Variants in PSMB7 observed in about 807,000 individuals in gnomAD.
PSMB7 encodes proteasome 20S subunit beta 7.
PSMB7 carries 5 observed loss-of-function variants against 28.1 expected under a neutral mutation model. That is an observed-to-expected ratio of 0.18 (90% CI 0.09 to 0.37). The LOEUF is 0.37. Among genes scored for constraint, PSMB7 ranks in the 10% least tolerant of loss-of-function variants. The pLI, the probability that PSMB7 is intolerant of heterozygous loss-of-function variation, is 1.00. For synonymous variants in PSMB7, 122 were observed against 123.7 expected (o/e 0.99, Z 0.09); for missense variants, 275 against 346.2 (o/e 0.79, Z 1.63).
At chr9:124,364,290 G>GCAC (rs1316213541) in intron 6 of PSMB7, among the ~76,000 whole-genome samples, 1 of 152,150 alleles carries the variant, frequency 6.6e-6, no homozygotes, top group East Asian at 1.9e-4. Context: ...TTAGTGCCTG[G>GCAC]CACCACCAAA....
At chr9:124,355,897 T>C (rs896540895) in intron 7 of PSMB7, among the ~76,000 whole-genome samples, 2 of 152,300 alleles carry the variant, frequency 1.3e-5, no homozygotes, top group African/African-American at 4.8e-5. Flanking sequence ...TCCTTGTGAA[T>C]TACTCCTGAT....
intron 4 of PSMB7, 134 bp from the exon 5 acceptor site, chr9:124,405,566 T>C (rs1264402559): frequency 1.6e-6 from 1 of 608,450 alleles, no homozygotes; most frequent in East Asian, 2.8e-5. Context: ...GTTATTGTTT[T>C]GATGGGAACA....
At chr9:124,405,565 TTGATGGG>T in intron 4 of PSMB7, 133 bp from the exon 5 acceptor site, 2 of 608,616 alleles carry the variant, frequency 3.3e-6, no homozygotes, top group Admixed American at 2.9e-5. Flanking sequence ...GGTTATTGTT[TTGATGGG>T]AACAAAAAAG....
At chr9:124,359,955 G>A (rs796276851) in intron 6 of PSMB7, among the ~76,000 whole-genome samples, 2 of 152,246 alleles carry the variant, frequency 1.3e-5, no homozygotes, top group African/African-American at 4.8e-5. Flanking sequence ...AAAACAGCGT[G>A]GAAATGACCA....
At chr9:124,371,425 G>A (rs866364976) in intron 6 of PSMB7, among the ~76,000 whole-genome samples, 10 of 152,170 alleles carry the variant, frequency 6.6e-5, no homozygotes, top group Non-Finnish European at 1.3e-4. Flanking sequence ...CACTTTTGAT[G>A]GTGAAATTCG....
intron 6 of PSMB7, among the ~76,000 whole-genome samples, chr9:124,363,631 T>G (rs533473020): frequency 6.6e-6 from 1 of 152,332 alleles, no homozygotes; most frequent in South Asian, 2.1e-4. Flanking sequence ...CTGGGCACGC[T>G]TAGAGCCGGG....
At chr9:124,382,333 G>A (rs1297127541) in intron 6 of PSMB7, among the ~76,000 whole-genome samples, 6 of 114,024 alleles carry the variant, frequency 5.3e-5, no homozygotes, top group African/African-American at 1.3e-4. Context: ...TCAGCCTCCC[G>A]AGTAGCTGGG....
At chr9:124,388,162 TC>T in intron 5 of PSMB7, among the ~76,000 whole-genome samples, 1 of 152,292 alleles carries the variant, frequency 6.6e-6, no homozygotes, top group Admixed American at 6.5e-5. Context: ...AAGGCGAAAA[TC>T]TTTTGAAGGA....
At chr9:124,397,298 A>G (rs1325490890) in intron 5 of PSMB7, among the ~76,000 whole-genome samples, 1 of 152,194 alleles carries the variant, frequency 6.6e-6, no homozygotes, top group Non-Finnish European at 1.5e-5. Context: ...ATTGTAGTCA[A>G]TGTGATGTTC....
Position 124,414,881 on chromosome 9 carries a change from G to C in PSMB7, c.117C>G (p.Val39=). ...CAGCGATGGTCGTGCCAGTTTTCCG[G>C]ACCTTTGGAAGCTTGTATCCCCTCT... is the stretch of plus-strand genomic sequence containing the variant. The part of the protein sequence containing the change: ...FAKRGYKLPK[V]RKTGTTIAGV... Residue 39 remains valine, a synonymous_variant, in exon 2 of 8, where the codon GTC becomes GTG. Coordinates refer to ENST00000259457, the MANE Select transcript of PSMB7 (RefSeq NM_002799.4). 1 of 1,613,986 alleles carries C rather than the reference G, an allele frequency of 6.2e-7. No individual in the cohort carries two copies. Among genetic ancestry groups the C allele is most frequent in the Non-Finnish European group, 8.5e-7 (1 of 1,179,980 alleles).
intron 6 of PSMB7, among the ~76,000 whole-genome samples, chr9:124,369,745 T>C (rs1830543451): frequency 6.6e-6 from 1 of 151,976 alleles, no homozygotes; most frequent in South Asian, 2.1e-4. Context: ...TCCGGAATGG[T>C]CTCCTTCTCT....
chr9:124,387,958 G>A (rs928091825), intron 5 of PSMB7, among the ~76,000 whole-genome samples: 4 of 151,068 alleles, frequency 2.6e-5, no homozygotes, highest in Non-Finnish European at 4.4e-5. Context: ...AAGTTTCCTA[G>A]ATACTGGTCC....
intron 6 of PSMB7, among the ~76,000 whole-genome samples, chr9:124,375,909 A>G (rs987366655): frequency 1.3e-5 from 2 of 152,142 alleles, no homozygotes; most frequent in Non-Finnish European, 2.9e-5. Context: ...TCTGAATGTC[A>G]GCTGGTGGGA....
rs756820098 is a variant in PSMB7, at chr9:124,384,619, A to T, written c.549T>A (p.Asp183Glu). 1 of 1,613,630 alleles carries T rather than the reference A, an allele frequency of 6.2e-7. No individual in the cohort carries two copies. Among genetic ancestry groups the T allele is most frequent in the South Asian group, 1.1e-5 (1 of 90,872 alleles). Residue 183 changes from aspartate (D) to glutamate (E), a missense_variant, in exon 6 of 8, where the codon GAT becomes GAA. Physicochemically the swap from Asp to Glu is conservative, Grantham distance 45. Around this residue, in one of 2 missense-constraint regions of PSMB7, gnomAD observed 213 missense variants for 302.4 expected, o/e 0.70. Transcript: ENST00000259457. ...ATACCTCCATGTCTGGCCTAAACTT[A>T]TCTTCAAATACAGCCATTGCTGCCA... is the stretch of plus-strand genomic sequence containing the variant. ...GSLAAMAVFE[D>E]KFRPDMEEEE...
At chr9:124,391,548 G>A (rs529319672) in intron 5 of PSMB7, among the ~76,000 whole-genome samples, 1 of 151,618 alleles carries the variant, frequency 6.6e-6, no homozygotes, top group African/African-American at 2.4e-5. Context: ...CTGGAATTTA[G>A]TTAAATGTTT....
intron 6 of PSMB7, among the ~76,000 whole-genome samples, chr9:124,375,319 C>G (rs1252591704): frequency 6.6e-6 from 1 of 152,052 alleles, no homozygotes; most frequent in Non-Finnish European, 1.5e-5. Context: ...TACCACCATA[C>G]CCGGCTAATT....
intron 2 of PSMB7, 33 bp downstream of exon 2, chr9:124,414,809 A>G: frequency 6.3e-7 from 1 of 1,574,808 alleles, no homozygotes; most frequent in Non-Finnish European, 8.7e-7. Flanking sequence ...TTGCCGGTTC[A>G]GTCACTGCTG....
rs1271268439 is a variant in PSMB7 at position 124,353,740 on chromosome 9, A to G, written c.723-31T>C. 3.3e-6 allele frequency: 5 copies of G among 1,509,534 alleles called. No homozygotes were observed. In the African/African-American group the frequency reaches 5.5e-5, roughly 17 times the overall value. The allele number at this position is 1,509,534 out of a possible 1,614,324, so 93.5% of individuals were successfully genotyped here. On this transcript the variant is annotated intron_variant, in intron 7 of 7. Coordinates refer to ENST00000259457, the MANE Select transcript of PSMB7 (RefSeq NM_002799.4). ...AAGAGAAAAACAAAAGCACAGAGTTAGGATTCTCCTCAAGGTGCCAGAGGG... is the reference window on the plus strand; with the variant it reads ...AAGAGAAAAACAAAAGCACAGAGTTGGGATTCTCCTCAAGGTGCCAGAGGG...
rs182357107 is a variant in PSMB7 at position 124,407,983 on chromosome 9, A to G, written c.396-2551T>C. Among the ~76,000 whole-genome samples the G allele has an allele frequency of 2.2e-3, 331 of 152,306 alleles. 1 individual carries two copies. The highest frequency in any genetic ancestry group is 7.7e-3 in the African/African-American group (318 of 41,568). ...GCAACATAGTGAGACATCGTCTACA[A>G]AAAGTTTAAAAAAACAAACACAACA... is the stretch of plus-strand genomic sequence containing the variant. On this transcript the variant is annotated intron_variant, in intron 4 of 7. Transcript: ENST00000259457.
Sources: gnomAD v4.1 joint callset for allele counts (sites outside exome capture counted in the v4.1 genomes callset) on GRCh38, gnomAD v4.1.1 for gene constraint, gnomAD v4.1.1 regional missense constraint, MANE v1.5 for transcripts, NCBI Gene and HGNC (gene_info 2026-07-23, HGNC 2026-07-21) for gene names.